Variants in GABBR2 observed in about 807,000 individuals in gnomAD.
GABBR2 encodes the protein G-protein coupled receptor 51.
In GABBR2, 23 loss-of-function variants were observed where a neutral mutation model predicts 105.6. The ratio of observed to expected loss-of-function variants is 0.22; its 90% CI spans 0.16 to 0.31. GABBR2 has a LOEUF of 0.31. Ranked by LOEUF, GABBR2 falls within the 10% of genes least tolerant of loss-of-function variation. The probability of loss-of-function intolerance (pLI) is 1.00; values close to 1 mark genes in which losing one functional copy is unlikely to be tolerated. For missense variants in GABBR2, 734 were observed against 1,245.5 expected (o/e 0.59, Z 6.18); for synonymous variants, 478 against 499.7 (o/e 0.96, Z 0.58).
intron 1 of GABBR2, among the ~76,000 whole-genome samples, chr9:98,595,811 G>A (rs1435354744): frequency 6.6e-6 from 1 of 152,128 alleles, no homozygotes; most frequent in Non-Finnish European, 1.5e-5. Context: ...TTGCGTGAGA[G>A]AAGGAGGTTG....
chr9:98,701,922 AAAT>A (rs1313447871), intron 1 of GABBR2, among the ~76,000 whole-genome samples: 1 of 152,152 alleles, frequency 6.6e-6, no homozygotes, highest in African/African-American at 2.4e-5. Context: ...GATTGTACGG[AAAT>A]AATAACAATG....
At chr9:98,527,872 T>A (rs1488031128) in intron 3 of GABBR2, among the ~76,000 whole-genome samples, 1 of 152,112 alleles carries the variant, frequency 6.6e-6, no homozygotes, top group East Asian at 1.9e-4. Context: ...AACTATATTA[T>A]AAAGGAGCCC....
intron 9 of GABBR2, among the ~76,000 whole-genome samples, chr9:98,391,123 T>C (rs1017255546): frequency 6.6e-6 from 1 of 152,208 alleles, no homozygotes; most frequent in African/African-American, 2.4e-5. Flanking sequence ...AACTCCCATC[T>C]GTCAGGCCTG....
intron 1 of GABBR2, among the ~76,000 whole-genome samples, chr9:98,665,429 C>G (rs1830321416): frequency 6.6e-6 from 1 of 152,182 alleles, no homozygotes; most frequent in Non-Finnish European, 1.5e-5. Context: ...GACCCATTTA[C>G]TGATTGACAC....
intron 7 of GABBR2, among the ~76,000 whole-genome samples, chr9:98,437,975 T>G (rs543280545): frequency 6.6e-6 from 1 of 151,432 alleles, no homozygotes; most frequent in African/African-American, 2.4e-5. Context: ...CATGCATCCA[T>G]CTACCCACAT....
At chr9:98,347,166 T>C (rs1366170959) in intron 13 of GABBR2, among the ~76,000 whole-genome samples, 1 of 152,226 alleles carries the variant, frequency 6.6e-6, no homozygotes, top group African/African-American at 2.4e-5. Flanking sequence ...TTATTTTCCA[T>C]AATTGTTGTA....
chr9:98,405,529 G>A (rs908564438), intron 8 of GABBR2, among the ~76,000 whole-genome samples: 43 of 152,242 alleles, frequency 2.8e-4, no homozygotes, highest in African/African-American at 9.6e-4. Context: ...AGAGTCATGC[G>A]GGAAGGCAGA....
intron 13 of GABBR2, among the ~76,000 whole-genome samples, chr9:98,329,052 G>C (rs958985086): frequency 2.0e-5 from 3 of 152,172 alleles, no homozygotes; most frequent in African/African-American, 7.2e-5. Flanking sequence ...TATGTATAAA[G>C]CCCCTAGACC....
chr9:98,455,015 G>C (rs886376182), intron 6 of GABBR2, among the ~76,000 whole-genome samples: 7 of 152,160 alleles, frequency 4.6e-5, no homozygotes, highest in Non-Finnish European at 7.4e-5. Context: ...TCTGGGCCCC[G>C]AGGGGCCTGA....
rs1006858341 is a variant in GABBR2, at chr9:98,328,120, A to G, written c.1894-16915T>C. Reference sequence around the variant, plus strand: ...TCAAGGTCACATTTAAGGTCCTCCCAGGACCTGGTCCAAGGCCACCCTCCA... The same window carrying G: ...TCAAGGTCACATTTAAGGTCCTCCCGGGACCTGGTCCAAGGCCACCCTCCA... On this transcript the variant is annotated intron_variant, in intron 13 of 18. Transcript: ENST00000259455. 2.0e-5 allele frequency among the ~76,000 whole-genome samples: 3 copies of G among 151,588 alleles called. No homozygotes were observed. In the South Asian group the frequency reaches 6.3e-4, roughly 32 times the overall value.
intron 3 of GABBR2, among the ~76,000 whole-genome samples, chr9:98,525,181 A>C (rs994689749): frequency 2.0e-5 from 3 of 151,704 alleles, no homozygotes; most frequent in African/African-American, 7.3e-5. Context: ...TAAAATTAAA[A>C]ACTTTTGTGC....
chr9:98,535,811 C>T (rs372804721), intron 3 of GABBR2, among the ~76,000 whole-genome samples: 1 of 152,074 alleles, frequency 6.6e-6, no homozygotes, highest in Non-Finnish European at 1.5e-5. Context: ...TCCAACTAAA[C>T]GACATTATGG....
rs569286346 is a variant in GABBR2 at position 98,689,533 on chromosome 9, A to G, written c.321+18884T>C. The stretch of plus-strand genomic sequence containing the variant: ...GCTCATGCCTGTGCCTAGTGCATGT[A>G]GACAATAACCCAGGATTCCCACATT... On this transcript the variant is annotated intron_variant, in intron 1 of 18. Coordinates refer to ENST00000259455, the MANE Select transcript of GABBR2 (RefSeq NM_005458.8). Among the ~76,000 whole-genome samples, 59 of 152,318 alleles carry G rather than the reference A, an allele frequency of 3.9e-4. No individual in the cohort carries two copies. In the South Asian group the frequency reaches 0.012, roughly 31 times the overall value.
intron 13 of GABBR2, among the ~76,000 whole-genome samples, chr9:98,346,992 T>G (rs1831313788): frequency 1.3e-5 from 2 of 152,202 alleles, no homozygotes; most frequent in Non-Finnish European, 2.9e-5. Context: ...TTGATGGACA[T>G]TGAGGTTGAT....
At chr9:98,461,516 T>C (rs944534509) in intron 6 of GABBR2, among the ~76,000 whole-genome samples, 1 of 152,162 alleles carries the variant, frequency 6.6e-6, no homozygotes, top group Non-Finnish European at 1.5e-5. Flanking sequence ...CTGAATCAAT[T>C]GATTATTCAT....
chr9:98,394,115 A>T (rs990831014), intron 9 of GABBR2, 60 bp downstream of exon 9: 3 of 1,199,290 alleles, frequency 2.5e-6, no homozygotes, highest in East Asian at 2.3e-5. Flanking sequence ...CCCTTAGACA[A>T]TGTCCAGGCT....
At chr9:98,546,693 G>C (rs1414987912) in intron 2 of GABBR2, among the ~76,000 whole-genome samples, 3 of 152,106 alleles carry the variant, frequency 2.0e-5, no homozygotes, top group African/African-American at 7.2e-5. Flanking sequence ...ATCTTGAAAA[G>C]AGCATATGGA....
chr9:98,288,437 G>C lies in GABBR2; in HGVS notation c.*2147C>G, dbSNP rs1002494723. The C allele has an allele frequency of 6.6e-6, 1 of 152,576 alleles. No homozygotes were observed. Among genetic ancestry groups the C allele is most frequent in the Admixed American group, 6.5e-5 (1 of 15,272 alleles). 9.5% of individuals were successfully genotyped at this position (152,576 alleles called of 1,614,324 possible). A position where few individuals can be genotyped will look rare whatever the true frequency, so the allele number is the denominator to read the frequency against. On this transcript the variant is annotated 3_prime_UTR_variant, in exon 19 of 19. Transcript: ENST00000259455. ...TGAGTTAACCTAGAAGACAGCGCACGCTCAGGAGTCACAAAGGGTTACAGA... is the reference window on the plus strand; with the variant it reads ...TGAGTTAACCTAGAAGACAGCGCACCCTCAGGAGTCACAAAGGGTTACAGA...
intron 1 of GABBR2, among the ~76,000 whole-genome samples, chr9:98,581,520 A>G (rs1829003736): frequency 1.0e-5 from 1 of 100,308 alleles, no homozygotes; most frequent in South Asian, 3.2e-4. Context: ...GGAGGGAGGG[A>G]GACAGGGAGG....
Sources: allele counts gnomAD v4.1 joint callset (sites outside exome capture counted in the v4.1 genomes callset), GRCh38; gene constraint gnomAD v4.1.1; transcripts MANE v1.5; gene names NCBI Gene and HGNC (gene_info 2026-07-23, HGNC 2026-07-21).